Variants in CLYBL observed in about 807,000 individuals in gnomAD.
CLYBL encodes the protein citramalyl-CoA lyase, mitochondrial.
A neutral mutation model predicts 38.9 loss-of-function variants in CLYBL; 31 were observed. That is an observed-to-expected ratio of 0.80 (90% CI 0.60 to 1.08). The LOEUF (loss-of-function observed/expected upper bound fraction) is 1.08, where lower values mean the gene tolerates loss of function less well. CLYBL is among the 50% of genes least tolerant of loss of function. CLYBL has a pLI of 0.00. For missense variants in CLYBL, 434 were observed against 411.6 expected (o/e 1.05, Z -0.47); for synonymous variants, 171 against 158.6 (o/e 1.08, Z -0.59).
intron 2 of CLYBL, among the ~76,000 whole-genome samples, chr13:99,841,812 CTTTT>C (rs67827288): frequency 3.8e-5 from 4 of 105,384 alleles, no homozygotes; most frequent in South Asian, 5.6e-4. Context: ...TTTTCTTTTC[CTTTT>C]TTTTTTTTTT....
intron 7 of CLYBL, chr13:99,885,067 A>AGGTACTGGGTGCTG (rs760100867): frequency 5.7e-6 from 3 of 529,800 alleles, no homozygotes; most frequent in South Asian, 4.3e-5. Flanking sequence ...TGTACCTGGC[A>AGGTACTGGGTGCTG]GGTACTGGGT....
At chr13:99,760,138 C>G (rs1022746939) in intron 1 of CLYBL, among the ~76,000 whole-genome samples, 1 of 152,172 alleles carries the variant, frequency 6.6e-6, no homozygotes, top group African/African-American at 2.4e-5. Flanking sequence ...GTCTTATGAT[C>G]TTTTATTTCC....
intron 1 of CLYBL, among the ~76,000 whole-genome samples, chr13:99,648,303 A>G (rs777581814): frequency 6.6e-6 from 1 of 152,200 alleles, no homozygotes; most frequent in African/African-American, 2.4e-5. Context: ...CAAAAATCTC[A>G]ACGCCATGGA....
chr13:99,863,237 G>T, intron 4 of CLYBL, 145 bp downstream of exon 4: 1 of 460,018 alleles, frequency 2.2e-6, no homozygotes, highest in Non-Finnish European at 3.8e-6. Flanking sequence ...TTTGTTATCT[G>T]TAATAGTCCA....
chr13:99,774,866 G>A (rs1030169813), intron 2 of CLYBL, among the ~76,000 whole-genome samples: 8 of 152,154 alleles, frequency 5.3e-5, no homozygotes, highest in African/African-American at 1.9e-4. Flanking sequence ...ATTTCAGTAT[G>A]CTCCTTCCCA....
chr13:99,743,966 CTTTTTTTTTT>C (rs1162079530), intron 1 of CLYBL, among the ~76,000 whole-genome samples: 1 of 69,176 alleles, frequency 1.4e-5, no homozygotes, highest in African/African-American at 6.0e-5. Context: ...TCTCTTCTTT[CTTTTTTTTTT>C]TTTTTTTTTT....
chr13:99,608,498 T>G (rs1160114138), intron 1 of CLYBL, among the ~76,000 whole-genome samples: 2 of 152,024 alleles, frequency 1.3e-5, no homozygotes, highest in Non-Finnish European at 2.9e-5. Flanking sequence ...CACAGGGGAG[T>G]CACCCCTCGC....
At chr13:99,712,637 A>T (rs2048253441) in intron 1 of CLYBL, among the ~76,000 whole-genome samples, 1 of 151,938 alleles carries the variant, frequency 6.6e-6, no homozygotes, top group Non-Finnish European at 1.5e-5. Context: ...GTGAGCTACC[A>T]CACCTGGCCA....
At chr13:99,855,266 C>G (rs2051433192) in intron 2 of CLYBL, among the ~76,000 whole-genome samples, 1 of 152,130 alleles carries the variant, frequency 6.6e-6, no homozygotes, top group African/African-American at 2.4e-5. Flanking sequence ...TTTAAACAAC[C>G]TGTATTACTC....
intron 7 of CLYBL, among the ~76,000 whole-genome samples, chr13:99,884,542 T>C (rs2052295808): frequency 1.3e-5 from 2 of 152,234 alleles, no homozygotes; most frequent in Admixed American, 1.3e-4. Context: ...GCCTTGCTTT[T>C]GGAGCAAACG....
At chr13:99,791,895 G>T (rs1174281675) in intron 2 of CLYBL, among the ~76,000 whole-genome samples, 1 of 151,778 alleles carries the variant, frequency 6.6e-6, no homozygotes, top group Non-Finnish European at 1.5e-5. Context: ...GGACAGATAG[G>T]TTTTCTCTCT....
intron 1 of CLYBL, among the ~76,000 whole-genome samples, chr13:99,694,098 A>G (rs935469085): frequency 6.6e-6 from 1 of 152,244 alleles, no homozygotes; most frequent in African/African-American, 2.4e-5. Context: ...ACCTCCATCA[A>G]GGCACTGGAA....
At chr13:99,845,758 G>C (rs1180954194) in intron 2 of CLYBL, among the ~76,000 whole-genome samples, 1 of 152,100 alleles carries the variant, frequency 6.6e-6, no homozygotes, top group African/African-American at 2.4e-5. Flanking sequence ...CCTTGCTGGG[G>C]GGCCCTTAGC....
In CLYBL at chr13:99,884,954, C is replaced by T. The variant is rs566313452; in HGVS notation, c.928-6364C>T. On this transcript the variant is annotated intron_variant, in intron 7 of 8. Transcript: ENST00000339105. ...AAGAGTGACCCAAATCACCAACTACCGAACTTGTGTCCTTCTATTCAGGTA... is the reference window on the plus strand; with the variant it reads ...AAGAGTGACCCAAATCACCAACTACTGAACTTGTGTCCTTCTATTCAGGTA... 523 of 472,526 alleles carry T rather than the reference C, an allele frequency of 1.1e-3. 10 individuals are homozygous for T. In the Middle Eastern group the frequency reaches 0.035, roughly 32 times the overall value. 29.3% of individuals were successfully genotyped at this position (472,526 alleles called of 1,614,324 possible). A position where few individuals can be genotyped will look rare whatever the true frequency, so the allele number is the denominator to read the frequency against.
chr13:99,744,040 T>C (rs1281658173), intron 1 of CLYBL, among the ~76,000 whole-genome samples: 1 of 140,586 alleles, frequency 7.1e-6, no homozygotes, highest in African/African-American at 2.6e-5. Flanking sequence ...TGGCGCGATA[T>C]CAGCTCACTG....
chr13:99,732,133 A>G (rs1022988679), intron 1 of CLYBL, among the ~76,000 whole-genome samples: 24 of 147,026 alleles, frequency 1.6e-4, no homozygotes, highest in African/African-American at 5.8e-4. Context: ...GATTTTCCAC[A>G]CCAAATTATT....
intron 1 of CLYBL, among the ~76,000 whole-genome samples, chr13:99,707,432 G>A (rs1254542418): frequency 6.6e-6 from 1 of 151,928 alleles, no homozygotes; most frequent in African/African-American, 2.4e-5. Context: ...ACCACGCCCG[G>A]CTAATTTTTT....
intron 1 of CLYBL, among the ~76,000 whole-genome samples, chr13:99,703,044 T>A (rs1226336200): frequency 6.6e-6 from 1 of 152,246 alleles, no homozygotes; most frequent in African/African-American, 2.4e-5. Context: ...TATTAAGCAC[T>A]TTAAAAGGCA....
intron 2 of CLYBL, among the ~76,000 whole-genome samples, chr13:99,792,941 A>G (rs1249355221): frequency 6.6e-6 from 1 of 152,102 alleles, no homozygotes; most frequent in East Asian, 1.9e-4. Context: ...TTTAATTGCC[A>G]TACAGATGGA....
Sources: allele counts gnomAD v4.1 joint callset (sites outside exome capture counted in the v4.1 genomes callset), GRCh38; gene constraint gnomAD v4.1.1; transcripts MANE v1.5; gene names NCBI Gene and HGNC (gene_info 2026-07-23, HGNC 2026-07-21).